Variants in VPS13B observed in about 807,000 individuals in gnomAD.
VPS13B encodes the protein vacuolar protein sorting 13 homolog B.
In VPS13B, 285 loss-of-function variants were observed where a neutral mutation model predicts 426.4. The observed-to-expected ratio is 0.67, with a 90% CI of 0.61 to 0.74. VPS13B has a LOEUF of 0.74. Ranked by LOEUF, VPS13B falls within the 30% of genes least tolerant of loss-of-function variation. The probability of loss-of-function intolerance (pLI) is 0.00; values close to 1 mark genes in which losing one functional copy is unlikely to be tolerated. For synonymous variants in VPS13B, 1,676 were observed against 1,676.4 expected (o/e 1.00, Z 0.01); for missense variants, 4,537 against 4,782.6 (o/e 0.95, Z 1.51).
intron 29 of VPS13B, among the ~76,000 whole-genome samples, chr8:99,516,787 CAAAAAAAAAAAAA>C (rs528490868): frequency 4.1e-3 from 68 of 16,704 alleles, no homozygotes; most frequent in East Asian, 0.032. Flanking sequence ...GACCGTGTCT[CAAAAAAAAAAAAA>C]AAAAAAAAAA....
intron 3 of VPS13B, among the ~76,000 whole-genome samples, chr8:99,084,958 TGTCTATTAG>T (rs1295331802): frequency 2.0e-5 from 3 of 152,182 alleles, no homozygotes; most frequent in Non-Finnish European, 4.4e-5. Context: ...GTTCTGTAGA[TGTCTATTAG>T]GTCTGCTTGG....
At chr8:99,524,472 A>G (rs993467917) in intron 30 of VPS13B, among the ~76,000 whole-genome samples, 1 of 152,180 alleles carries the variant, frequency 6.6e-6, no homozygotes. Context: ...AAAGGATCCT[A>G]AAAGAAGCAA....
At chr8:99,763,364 C>T (rs1395994456) in intron 39 of VPS13B, among the ~76,000 whole-genome samples, 2 of 152,046 alleles carry the variant, frequency 1.3e-5, no homozygotes, top group Non-Finnish European at 2.9e-5. Flanking sequence ...TATTCAGCAA[C>T]TCTTTTTGAA....
chr8:99,567,590 G>A lies in VPS13B; in HGVS notation c.4950-8068G>A, dbSNP rs2133790431. Among the ~76,000 whole-genome samples, 3 of 151,376 alleles carry A rather than the reference G, an allele frequency of 2.0e-5. 1 individual carries two copies. The East Asian group carries it at 5.8e-4, about 29-fold the overall frequency. ...TGTACCTTAAAAATCATCATTTCAA[G>A]CTGTAGTTCTTGTAGCATTGTGCAC... On this transcript the variant is annotated intron_variant, in intron 31 of 61. Transcript: ENST00000357162.
Position 99,275,131 on chromosome 8 carries a change from A to C in VPS13B, c.2701A>C (p.Thr901Pro), listed in dbSNP as rs926515680. ...TCCCTTGCTTCAGGGTCCTTCTGAC[A>C]CTAAAGACCTTCATAGCACCAAGTG... is the stretch of plus-strand genomic sequence containing the variant. ...LIPLLQGPSD[T>P]KDLHSTKWLN... The change falls in exon 19 of 62, where the codon ACT becomes CCT. Residue 901 changes from threonine to proline, a missense_variant. This residue lies in a region of VPS13B where 4,311 missense variants were observed against 4,474.3 expected (regional missense o/e 0.96). Transcript: ENST00000357162. 6.8e-6 allele frequency: 11 copies of C among 1,611,992 alleles called. No individual in the cohort carries two copies. Among genetic ancestry groups the C allele is most frequent in the Non-Finnish European group, 9.3e-6 (11 of 1,179,076 alleles).
chr8:99,695,724 G>GA (rs535503546), intron 35 of VPS13B, among the ~76,000 whole-genome samples: 5,174 of 129,200 alleles, frequency 0.04, 118 homozygotes, highest in Non-Finnish European at 0.055. Context: ...TCCATACCAA[G>GA]AAAAAAAAAA....
chr8:99,413,251 A>G (rs983645025), intron 21 of VPS13B, among the ~76,000 whole-genome samples: 1 of 152,060 alleles, frequency 6.6e-6, no homozygotes, highest in African/African-American at 2.4e-5. Flanking sequence ...TTATTGGTCT[A>G]TTCAGGGATT....
intron 33 of VPS13B, 68 bp downstream of exon 33, chr8:99,577,701 C>T: frequency 6.3e-7 from 1 of 1,578,762 alleles, no homozygotes; most frequent in South Asian, 1.1e-5. Context: ...AGTAGGAAAA[C>T]TATAATTAAG....
At chr8:99,550,486 A>C (rs1298069686) in intron 30 of VPS13B, among the ~76,000 whole-genome samples, 1 of 151,150 alleles carries the variant, frequency 6.6e-6, no homozygotes, top group East Asian at 1.9e-4. Context: ...ACAACATCCT[A>C]GTTATGTTTC....
At chr8:99,233,108 C>A in intron 17 of VPS13B, 1 of 1,374,502 alleles carries the variant, frequency 7.3e-7, no homozygotes, top group Non-Finnish European at 1.0e-6. Context: ...TGCTTCACCT[C>A]TTGTACAGTT....
At chr8:99,644,537 G>A (rs1427732445) in intron 34 of VPS13B, among the ~76,000 whole-genome samples, 4 of 152,122 alleles carry the variant, frequency 2.6e-5, no homozygotes, top group Non-Finnish European at 5.9e-5. Context: ...CATGAAGCTA[G>A]AGTGGTGGTC....
chr8:99,556,961 T>C (rs896525644), intron 31 of VPS13B, among the ~76,000 whole-genome samples: 10 of 145,084 alleles, frequency 6.9e-5, no homozygotes, highest in Non-Finnish European at 1.4e-4. Flanking sequence ...AAATCTATTG[T>C]ATTTGGGGTC....
chr8:99,568,313 C>T lies in VPS13B; in HGVS notation c.4950-7345C>T, dbSNP rs751686887. Among the ~76,000 whole-genome samples, 4 of 146,472 alleles carry T rather than the reference C, an allele frequency of 2.7e-5. No individual in the cohort carries two copies. The East Asian group carries it at 6.1e-4, about 22-fold the overall frequency. On this transcript the variant is annotated intron_variant, in intron 31 of 61. Transcript: ENST00000357162. Reference sequence around the variant, plus strand: ...TTATTATTATTATTTTTTTTTGAGACGGAGTCTTGCTCTGTCACCCAGGCT... The same window carrying T: ...TTATTATTATTATTTTTTTTTGAGATGGAGTCTTGCTCTGTCACCCAGGCT...
chr8:99,067,463 G>A (rs1330575634), intron 3 of VPS13B, among the ~76,000 whole-genome samples: 3 of 152,118 alleles, frequency 2.0e-5, no homozygotes, highest in Non-Finnish European at 4.4e-5. Flanking sequence ...TGGACACAGG[G>A]CGGGGAACAT....
intron 19 of VPS13B, among the ~76,000 whole-genome samples, chr8:99,372,705 C>G (rs1013111419): frequency 2.0e-5 from 3 of 152,196 alleles, no homozygotes; most frequent in Non-Finnish European, 2.9e-5. Context: ...AACACTTTTA[C>G]ACAGTTGGCA....
intron 55 of VPS13B, among the ~76,000 whole-genome samples, chr8:99,850,975 T>C (rs1182175002): frequency 6.6e-6 from 1 of 152,188 alleles, no homozygotes. Context: ...TTGCTTCTCA[T>C]ATATGGTTAA....
At chr8:99,134,981 AT>A in intron 9 of VPS13B, 33 bp from the exon 10 acceptor site, 2 of 1,612,456 alleles carry the variant, frequency 1.2e-6, no homozygotes, top group Non-Finnish European at 1.7e-6. Flanking sequence ...ATTAAATTCA[AT>A]TCTTAGTTCT....
chr8:99,192,909 T>C lies in VPS13B; in HGVS notation c.2367T>C (p.Gly789=). Residue 789 remains glycine, a synonymous_variant, in exon 17 of 62, where the codon GGT becomes GGC. Coordinates refer to ENST00000357162, the MANE Select transcript of VPS13B (RefSeq NM_152564.5). ...GATCTCAGATTGCTATAACTGAAGG[T>C]ATATTTGAACTTCCAAATCTCACAA... ...TKRSQIAITE[G]IFELPNLTIQ... 2.5e-6 allele frequency: 4 copies of C among 1,613,444 alleles called. No individual in the cohort carries two copies. Among genetic ancestry groups the C allele is most frequent in the Non-Finnish European group, 3.4e-6 (4 of 1,179,792 alleles).
At chr8:99,245,597 G>C (rs1817172132) in intron 17 of VPS13B, among the ~76,000 whole-genome samples, 1 of 152,164 alleles carries the variant, frequency 6.6e-6, no homozygotes, top group Non-Finnish European at 1.5e-5. Flanking sequence ...GTCTTGCTCT[G>C]TCGCCCAGGC....
Sources: allele counts gnomAD v4.1 joint callset (sites outside exome capture counted in the v4.1 genomes callset), GRCh38; gene constraint gnomAD v4.1.1; regional missense constraint gnomAD v4.1.1; transcripts MANE v1.5; gene names NCBI Gene and HGNC (gene_info 2026-07-23, HGNC 2026-07-21).